UGT1A10: variants seen among roughly 807,000 people sequenced by gnomAD.
UGT1A10 encodes UDP-glucuronosyltransferase 1A10.
A neutral mutation model predicts 45.8 loss-of-function variants in UGT1A10; 49 were observed. The ratio of observed to expected loss-of-function variants is 1.07; its 90% confidence interval spans 0.85 to 1.36. The LOEUF is 1.36. Ranked by LOEUF, UGT1A10 falls within the 40% of genes most tolerant of loss-of-function variation. The pLI is 0.00. For missense variants in UGT1A10, 745 were observed against 668.6 expected (o/e 1.11, Z -1.26); for synonymous variants, 284 against 249.7 (o/e 1.14, Z -1.29).
In UGT1A10 at chr2:233,729,557, C is replaced by T. The variant is rs13406898; in HGVS notation, c.856-37477C>T. On this transcript the variant is annotated intron_variant, in intron 1 of 4. Transcript: ENST00000344644. ...GCCCTGATCAGGCACCTGAATGCTA[C>T]TTCCTTTGATGTGGTTTTAACAGAC... is the stretch of plus-strand genomic sequence containing the variant. The T allele has an allele frequency of 1.3e-3, 2,173 of 1,614,146 alleles. 29 individuals carry two copies. The African/African-American group carries it at 0.026, about 19-fold the overall frequency.
At position 233,719,215 on chromosome 2, in the gene UGT1A10, T is replaced by C. The variant is rs72551337; in HGVS notation, c.856-47819T>C. ...CTTCATAGGTGTTGTGTGGAGCTAC[T>C]GCATAATGAGGCCCTGATCAGGCAC... On this transcript the variant is annotated intron_variant, in intron 1 of 4. Coordinates refer to ENST00000344644, the MANE Select transcript of UGT1A10 (RefSeq NM_019075.4). The C allele has an allele frequency of 1.5e-5, 25 of 1,614,228 alleles. No individual in the cohort carries two copies. In the East Asian group the frequency reaches 2.9e-4, roughly 19 times the overall value.
intron 1 of UGT1A10, among the ~76,000 whole-genome samples, chr2:233,639,208 G>A (rs556737900): frequency 1.3e-5 from 2 of 152,166 alleles, no homozygotes; most frequent in South Asian, 4.1e-4. Context: ...TATCTTTTAT[G>A]AGATATGAAA....
intron 1 of UGT1A10, chr2:233,730,092 A>G: frequency 1.3e-6 from 2 of 1,595,278 alleles, no homozygotes. Context: ...TTATCTTTCC[A>G]AATATTTCAT....
chr2:233,700,829 G>A (rs890006339), intron 1 of UGT1A10, among the ~76,000 whole-genome samples: 7 of 151,704 alleles, frequency 4.6e-5, no homozygotes, highest in African/African-American at 1.7e-4. Context: ...CCATTAACTC[G>A]TCATTTAGCA....
chr2:233,733,733 C>T (rs1439271515), intron 1 of UGT1A10, among the ~76,000 whole-genome samples: 1 of 152,152 alleles, frequency 6.6e-6, no homozygotes, highest in Non-Finnish European at 1.5e-5. Flanking sequence ...ATTTTTGCAT[C>T]GATGTTCATC....
chr2:233,643,090 C>T (rs1283505286), intron 1 of UGT1A10, among the ~76,000 whole-genome samples: 1 of 152,190 alleles, frequency 6.6e-6, no homozygotes, highest in Non-Finnish European at 1.5e-5. Flanking sequence ...TTGGGCTTTA[C>T]AATCAGCAGG....
chr2:233,695,126 T>TTTTG (rs1559347637), intron 1 of UGT1A10, among the ~76,000 whole-genome samples: 1 of 107,354 alleles, frequency 9.3e-6, no homozygotes, highest in Non-Finnish European at 1.9e-5. Flanking sequence ...AACCCTTTTC[T>TTTTG]TTTCTTTTTT....
rs368860136 is a variant in UGT1A10, at chr2:233,772,310, G to A, written c.1344G>A (p.Pro448=). The A allele has an allele frequency of 6.6e-5, 107 of 1,614,092 alleles. No individual in the cohort carries two copies. The highest frequency in any genetic ancestry group is 2.5e-4 in the African/African-American group (19 of 74,926). ...MRLSSLHKDR[P]VEPLDLAVFW... ...TCTCCAGCCTTCACAAGGACCGCCCGGTGGAGCCGCTGGACCTGGCCGTGT... is the reference window on the plus strand; with the variant it reads ...TCTCCAGCCTTCACAAGGACCGCCCAGTGGAGCCGCTGGACCTGGCCGTGT... Residue 448 remains proline, a synonymous_variant, in exon 5 of 5, where the codon CCG becomes CCA. Transcript: ENST00000344644.
intron 1 of UGT1A10, among the ~76,000 whole-genome samples, chr2:233,658,991 G>A (rs2073911956): frequency 6.6e-6 from 1 of 152,058 alleles, no homozygotes; most frequent in Non-Finnish European, 1.5e-5. Context: ...AAGCCTGTTG[G>A]GATTTTGGTT....
At chr2:233,682,408 T>C (rs1193999932) in intron 1 of UGT1A10, 1 of 1,613,868 alleles carries the variant, frequency 6.2e-7, no homozygotes, top group African/African-American at 1.3e-5. Context: ...GCTTAATTGT[T>C]GCCAAATATT....
chr2:233,744,810 C>A (rs79404275), intron 1 of UGT1A10, among the ~76,000 whole-genome samples: 3 of 151,852 alleles, frequency 2.0e-5, no homozygotes, highest in African/African-American at 7.3e-5. Context: ...CTAGGATTTC[C>A]TGGCTCATAC....
At chr2:233,714,526 A>T (rs988419180) in intron 1 of UGT1A10, among the ~76,000 whole-genome samples, 1 of 152,254 alleles carries the variant, frequency 6.6e-6, no homozygotes, top group Non-Finnish European at 1.5e-5. Flanking sequence ...GGTTAACTTC[A>T]TGGTCTAATA....
At chr2:233,686,180 A>G (rs137930164) in intron 1 of UGT1A10, among the ~76,000 whole-genome samples, 1 of 152,272 alleles carries the variant, frequency 6.6e-6, no homozygotes, top group African/African-American at 2.4e-5. Context: ...AAAATCTAAA[A>G]CTGTAAAACT....
At chr2:233,756,155 A>G (rs1696135469) in intron 1 of UGT1A10, 2 of 152,312 alleles carry the variant, frequency 1.3e-5, no homozygotes, top group South Asian at 4.1e-4. Context: ...GATCCCTAGG[A>G]TTTCCTGGCT....
intron 1 of UGT1A10, chr2:233,761,078 A>G: frequency 3.7e-6 from 6 of 1,614,128 alleles, no homozygotes; most frequent in Non-Finnish European, 5.1e-6. Flanking sequence ...GTGAAGGATT[A>G]CCCTAGGCCC....
intron 1 of UGT1A10, among the ~76,000 whole-genome samples, chr2:233,764,942 G>C (rs12479045): frequency 0.069 from 10,555 of 152,174 alleles, 509 homozygotes; most frequent in East Asian, 0.2. Flanking sequence ...TGAGAGTGGC[G>C]GGGAGAGAGG....
intron 1 of UGT1A10, among the ~76,000 whole-genome samples, chr2:233,702,756 T>TA (rs2075705310): frequency 6.6e-6 from 1 of 152,230 alleles, no homozygotes; most frequent in South Asian, 2.1e-4. Flanking sequence ...ATTCTAGTGA[T>TA]ATGTGTTAAT....
chr2:233,761,152 G>A lies in UGT1A10; in HGVS notation c.856-5882G>A, dbSNP rs587776764. On this transcript the variant is annotated intron_variant, in intron 1 of 4. Transcript: ENST00000344644. Reference sequence around the variant, plus strand: ...CCTTCACCAAAATCCACTATCCCAGGTGTGTATTGGAGTGGGACTTTTACA... The same window carrying A: ...CCTTCACCAAAATCCACTATCCCAGATGTGTATTGGAGTGGGACTTTTACA... The A allele has an allele frequency of 1.2e-6, 2 of 1,614,084 alleles. No individual in the cohort carries two copies. Among genetic ancestry groups the A allele is most frequent in the South Asian group, 2.2e-5 (2 of 91,086 alleles).
intron 1 of UGT1A10, chr2:233,690,834 GA>G (rs1393165111): frequency 9.4e-7 from 1 of 1,069,408 alleles, no homozygotes; most frequent in Non-Finnish European, 1.1e-6. Context: ...ACAGGAGAAA[GA>G]AAAATGTTTT....
Sources: allele counts gnomAD v4.1 joint callset (sites outside exome capture counted in the v4.1 genomes callset), GRCh38; gene constraint gnomAD v4.1.1; transcripts MANE v1.5; gene names NCBI Gene and HGNC (gene_info 2026-07-23, HGNC 2026-07-21).